SEMA5A: variants seen among roughly 807,000 people sequenced by gnomAD.
The protein encoded by SEMA5A is semaphorin 5A, also known as semaphorin-5A.
A neutral mutation model predicts 135.5 loss-of-function variants in SEMA5A; 55 were observed. The ratio of observed to expected loss-of-function variants is 0.41; its 90% CI spans 0.33 to 0.51. The LOEUF is 0.51. SEMA5A is among the 20% of genes least tolerant of loss of function. The pLI, the probability that SEMA5A is intolerant of heterozygous loss-of-function variation, is 0.37. For missense variants in SEMA5A, 1,290 were observed against 1,419.9 expected (o/e 0.91, Z 1.47); for synonymous variants, 580 against 546.5 (o/e 1.06, Z -0.85).
chr5:9,334,402 C>T (rs1753290448), intron 4 of SEMA5A, among the ~76,000 whole-genome samples: 1 of 152,262 alleles, frequency 6.6e-6, no homozygotes, highest in East Asian at 1.9e-4. Flanking sequence ...ACTTTCTGAG[C>T]CTAATCCCAT....
intron 5 of SEMA5A, among the ~76,000 whole-genome samples, chr5:9,238,709 T>C (rs1207517485): frequency 6.6e-6 from 1 of 151,872 alleles, no homozygotes; most frequent in Non-Finnish European, 1.5e-5. Context: ...TTTTTTTTTT[T>C]CTCTTTTCTA....
chr5:9,443,269 A>G (rs1758306487), intron 1 of SEMA5A, among the ~76,000 whole-genome samples: 1 of 152,244 alleles, frequency 6.6e-6, no homozygotes, highest in South Asian at 2.1e-4. Flanking sequence ...CAGCCACTCA[A>G]GAAAACAAAG....
chr5:9,274,404 C>T (rs1489337035), intron 5 of SEMA5A, among the ~76,000 whole-genome samples: 1 of 152,152 alleles, frequency 6.6e-6, no homozygotes. Context: ...TAACACCCCA[C>T]AGTCAATATT....
chr5:9,228,729 G>C (rs1747457649), intron 6 of SEMA5A, among the ~76,000 whole-genome samples: 1 of 152,240 alleles, frequency 6.6e-6, no homozygotes, highest in African/African-American at 2.4e-5. Context: ...AGAATAGTGA[G>C]TCAATTGCAC....
At chr5:9,184,658 G>A (rs746097089) in intron 11 of SEMA5A, among the ~76,000 whole-genome samples, 10 of 152,102 alleles carry the variant, frequency 6.6e-5, no homozygotes, top group Non-Finnish European at 1.0e-4. Flanking sequence ...AGAATAGCAC[G>A]TCATTTTGAT....
At chr5:9,160,123 A>T (rs1743171426) in intron 11 of SEMA5A, among the ~76,000 whole-genome samples, 1 of 152,178 alleles carries the variant, frequency 6.6e-6, no homozygotes, top group African/African-American at 2.4e-5. Flanking sequence ...TGGCACACAT[A>T]TACCTATGTA....
chr5:9,403,823 C>T (rs1756767176), intron 2 of SEMA5A, among the ~76,000 whole-genome samples: 1 of 152,234 alleles, frequency 6.6e-6, no homozygotes, highest in Admixed American at 6.5e-5. Flanking sequence ...CTCTCCTCTT[C>T]TGCCACTACA....
intron 16 of SEMA5A, among the ~76,000 whole-genome samples, chr5:9,074,142 A>G (rs1401446675): frequency 6.6e-6 from 1 of 152,226 alleles, no homozygotes; most frequent in Non-Finnish European, 1.5e-5. Context: ...AAGCATCAAG[A>G]TAGAAAGACT....
chr5:9,163,573 G>C (rs1435509752), intron 11 of SEMA5A, among the ~76,000 whole-genome samples: 3 of 152,118 alleles, frequency 2.0e-5, no homozygotes, highest in Non-Finnish European at 4.4e-5. Context: ...AGGTAAATAT[G>C]CCTTATACTA....
intron 11 of SEMA5A, among the ~76,000 whole-genome samples, chr5:9,173,888 C>T (rs1188283107): frequency 6.6e-6 from 1 of 152,056 alleles, no homozygotes; most frequent in African/African-American, 2.4e-5. Flanking sequence ...CCTTTCTTAA[C>T]ATTATGAAAA....
chr5:9,156,446 G>A (rs1742960338), intron 11 of SEMA5A, among the ~76,000 whole-genome samples: 1 of 152,202 alleles, frequency 6.6e-6, no homozygotes, highest in Non-Finnish European at 1.5e-5. Context: ...CACCAGCAGA[G>A]GGAGGTGTCA....
chr5:9,406,043 C>T (rs145284827), intron 2 of SEMA5A, among the ~76,000 whole-genome samples: 3,104 of 152,284 alleles, frequency 0.02, 46 homozygotes, highest in Non-Finnish European at 0.03. Flanking sequence ...GATGGTACTA[C>T]AGGTCTTCTG....
At chr5:9,076,379 A>T (rs1738059929) in intron 16 of SEMA5A, among the ~76,000 whole-genome samples, 1 of 152,134 alleles carries the variant, frequency 6.6e-6, no homozygotes, top group South Asian at 2.1e-4. Flanking sequence ...GTAGAGAAAT[A>T]TAGTAAATAG....
rs1735768324 is a variant in SEMA5A, at chr5:9,038,404, G to A, written c.*4493C>T. ...TGAGGTCAATGGAGTTACCCCCAAT[G>A]ACACACACAAGAAAACCCCATTGAA... On this transcript the variant is annotated 3_prime_UTR_variant, in exon 23 of 23. Transcript: ENST00000382496. 6.6e-6 allele frequency: 1 copy of A among 152,128 alleles called. No homozygotes were observed. Among genetic ancestry groups the A allele is most frequent in the South Asian group, 2.1e-4 (1 of 4,826 alleles). 9.4% of individuals were successfully genotyped at this position (152,128 alleles called of 1,614,324 possible). A position where few individuals can be genotyped will look rare whatever the true frequency, so the allele number is the denominator to read the frequency against.
At chr5:9,484,463 C>A (rs1760000585) in intron 1 of SEMA5A, among the ~76,000 whole-genome samples, 1 of 152,144 alleles carries the variant, frequency 6.6e-6, no homozygotes, top group South Asian at 2.1e-4. Context: ...CCTTTGAAGT[C>A]AATGACACTA....
intron 6 of SEMA5A, among the ~76,000 whole-genome samples, chr5:9,235,674 GTGCATCAACAATATC>G (rs1267846505): frequency 2.0e-5 from 3 of 150,352 alleles, no homozygotes; most frequent in Non-Finnish European, 4.4e-5. Context: ...TGTGACAAGT[GTGCATCAACAATATC>G]TGCTGCTAGG....
chr5:9,510,797 C>G (rs1434601808), intron 1 of SEMA5A, among the ~76,000 whole-genome samples: 1 of 152,182 alleles, frequency 6.6e-6, no homozygotes, highest in African/African-American at 2.4e-5. Context: ...CTAAGGCTAC[C>G]TTTGTAATTT....
intron 2 of SEMA5A, among the ~76,000 whole-genome samples, chr5:9,385,439 G>A (rs1755845371): frequency 6.6e-6 from 1 of 152,222 alleles, no homozygotes; most frequent in Admixed American, 6.5e-5. Flanking sequence ...ACTTTTCAGA[G>A]GAGGCTGGGT....
chr5:9,395,752 C>T (rs1344826014), intron 2 of SEMA5A, among the ~76,000 whole-genome samples: 1 of 152,164 alleles, frequency 6.6e-6, no homozygotes, highest in Non-Finnish European at 1.5e-5. Context: ...CAATAGATTA[C>T]ATTTCTGGTT....
Sources: allele counts gnomAD v4.1 joint callset (sites outside exome capture counted in the v4.1 genomes callset), GRCh38; gene constraint gnomAD v4.1.1; transcripts MANE v1.5; gene names NCBI Gene and HGNC (gene_info 2026-07-23, HGNC 2026-07-21).